SLU7: variants seen among roughly 807,000 people sequenced by gnomAD.
The protein encoded by SLU7 is spliceosome associated SLU7.
Under a neutral mutation model 87.0 loss-of-function variants are expected in SLU7, and 60 were observed. The ratio of observed to expected loss-of-function variants is 0.69; its 90% CI spans 0.56 to 0.86. The LOEUF is 0.86. Ranked by LOEUF, SLU7 falls within the 40% of genes least tolerant of loss-of-function variation. The pLI is 0.00. For missense variants in SLU7, 507 were observed against 686.6 expected, an observed-to-expected ratio of 0.74 and a Z score of 2.92; for synonymous variants, 197 against 222.0, an observed-to-expected ratio of 0.89 and a Z score of 1.00.
intron 5 of SLU7, among the ~76,000 whole-genome samples, 194 bp from the exon 6 acceptor site, chr5:160,412,713 A>G (rs1457983078): frequency 6.6e-6 from 1 of 152,132 alleles, no homozygotes; most frequent in Non-Finnish European, 1.5e-5. Context: ...CTCTATAAAG[A>G]GCAGGAGTTA....
intron 15 of SLU7, among the ~76,000 whole-genome samples, chr5:160,403,676 CTA>C (rs1376346846): frequency 2.0e-5 from 3 of 152,172 alleles, no homozygotes; most frequent in Non-Finnish European, 4.4e-5. Flanking sequence ...ACAAAACATT[CTA>C]TAACATTTTA....
intron 6 of SLU7, 45 bp downstream of exon 6, chr5:160,412,406 T>C: frequency 8.8e-7 from 1 of 1,140,292 alleles, no homozygotes; most frequent in Non-Finnish European, 1.3e-6. Flanking sequence ...CATTTCTTTG[T>C]TTAAAAGAAA....
At chr5:160,417,949 C>G (rs1347305521) in intron 1 of SLU7, among the ~76,000 whole-genome samples, 1 of 152,166 alleles carries the variant, frequency 6.6e-6, no homozygotes, top group Non-Finnish European at 1.5e-5. Context: ...TCTCTACTAA[C>G]TACATAGACC....
chr5:160,405,234 T>C, intron 12 of SLU7, 99 bp from the exon 13 acceptor site: 1 of 827,154 alleles, frequency 1.2e-6, no homozygotes, highest in South Asian at 1.7e-5. Context: ...CCATTAAAGG[T>C]AATTTGGGAG....
Position 160,417,791 on chromosome 5 carries a change from CAA to C in SLU7, c.-17+1230_-17+1231del, listed in dbSNP as rs33929783. Among the ~76,000 whole-genome samples, 14 of 111,174 alleles carry C rather than the reference CAA, an allele frequency of 1.3e-4. No homozygotes were observed. The East Asian group carries it at 2.3e-3, about 18-fold the overall frequency. The allele number at this position is 111,174 out of a possible 152,430, so 72.9% of individuals were successfully genotyped here. Reference sequence around the variant, plus strand: ...TGGGCGACAGAGCTAGACTACGTCTCAAAAAAAAAAAAAAAAAAATGACGCTC... The same window carrying C: ...TGGGCGACAGAGCTAGACTACGTCTCAAAAAAAAAAAAAAAAATGACGCTC... On this transcript the variant is annotated intron_variant, in intron 1 of 15. Transcript: ENST00000297151.
At position 160,413,908 on chromosome 5, in the gene SLU7, GTCTT is replaced by G; in HGVS notation, c.392_395del (p.Lys131ThrfsTer18). ...TCAAAGGTGAACTTACCTCAAAGCAGTCTTTCTTTTTGTGTGTCATGGCCCCACA... is the reference window on the plus strand; with the variant it reads ...TCAAAGGTGAACTTACCTCAAAGCAGTCTTTTTGTGTGTCATGGCCCCACA... On this transcript the variant is annotated frameshift_variant, in exon 4 of 16. Coordinates refer to ENST00000297151, the MANE Select transcript of SLU7 (RefSeq NM_006425.5). LOFTEE classifies it high-confidence loss of function. 3 of 1,591,686 alleles carry G rather than the reference GTCTT, an allele frequency of 1.9e-6. No homozygotes were observed. Among genetic ancestry groups the G allele is most frequent in the Non-Finnish European group, 1.7e-6 (2 of 1,171,708 alleles).
At chr5:160,414,742 T>C (rs886350548) in intron 2 of SLU7, among the ~76,000 whole-genome samples, 1 of 152,270 alleles carries the variant, frequency 6.6e-6, no homozygotes, top group South Asian at 2.1e-4. Context: ...TAGAGATGTG[T>C]GTTAGTAATC....
At chr5:160,410,405 C>T (rs1765181799) in intron 6 of SLU7, among the ~76,000 whole-genome samples, 1 of 152,042 alleles carries the variant, frequency 6.6e-6, no homozygotes, top group Admixed American at 6.6e-5. Flanking sequence ...GTATGTGGTT[C>T]ATCTTAATAT....
intron 6 of SLU7, among the ~76,000 whole-genome samples, chr5:160,411,021 G>A (rs1480490935): frequency 2.0e-5 from 3 of 151,072 alleles, no homozygotes; most frequent in African/African-American, 4.9e-5. Flanking sequence ...GCCCGCCACC[G>A]CGACTGGCTA....
intron 6 of SLU7, among the ~76,000 whole-genome samples, chr5:160,410,559 A>T (rs961433263): frequency 6.6e-6 from 1 of 152,124 alleles, no homozygotes; most frequent in Non-Finnish European, 1.5e-5. Flanking sequence ...CCTAAAACTT[A>T]AAGTATATAA....
chr5:160,412,869 A>G (rs1037893947), intron 5 of SLU7, among the ~76,000 whole-genome samples: 6 of 152,102 alleles, frequency 3.9e-5, no homozygotes, highest in Non-Finnish European at 5.9e-5. Flanking sequence ...GTTACCATAT[A>G]TTACAATATT....
chr5:160,413,692 C>A, intron 4 of SLU7, 72 bp from the exon 5 acceptor site: 2 of 1,365,972 alleles, frequency 1.5e-6, no homozygotes, highest in East Asian at 2.3e-5. Context: ...ACAACTTTTA[C>A]AGAGTGGGCA....
Position 160,403,470 on chromosome 5 carries a change from G to A in SLU7, c.1582-6C>T. 6.3e-7 allele frequency: 1 copy of A among 1,589,288 alleles called. No homozygotes were observed. Among genetic ancestry groups the A allele is most frequent in the Non-Finnish European group, 8.5e-7 (1 of 1,169,636 alleles). On this transcript the variant is annotated splice_region_variant and splice_polypyrimidine_tract_variant and intron_variant, in intron 15 of 15. Coordinates refer to ENST00000297151, the MANE Select transcript of SLU7 (RefSeq NM_006425.5). ...GCCTCCTCTGCGTTCAGTGCCTATA[G>A]TGAGAGGAATAAAATGTGTATCACA...
chr5:160,405,098 C>A lies in SLU7; in HGVS notation c.1325G>T (p.Gly442Val). ...WGSYWKEGRW[G>V]YKCCHSFFKY... ...GAAAAAAGAGTGACAGCATTTGTAT[C>A]CCCATCGGCCTTCTTTCCAGTACGA... The change falls in exon 13 of 16, where the codon GGA becomes GTA. Residue 442 changes from glycine (G) to valine (V), a missense_variant. Transcript: ENST00000297151. The A allele has an allele frequency of 6.2e-7, 1 of 1,613,546 alleles. No homozygotes were observed. The highest frequency in any genetic ancestry group is 8.5e-7 in the Non-Finnish European group (1 of 1,179,564).
chr5:160,404,984 G>A (rs1349819829), intron 13 of SLU7, 47 bp downstream of exon 13: 4 of 1,543,288 alleles, frequency 2.6e-6, no homozygotes, highest in Non-Finnish European at 3.6e-6. Flanking sequence ...TTTGACTTAG[G>A]AGCTTCGGTT....
chr5:160,405,191 T>C, intron 12 of SLU7, 56 bp from the exon 13 acceptor site: 2 of 1,197,776 alleles, frequency 1.7e-6, no homozygotes, highest in East Asian at 2.3e-5. Context: ...GAAACTTCTG[T>C]ATACTGTTGA....
intron 15 of SLU7, 103 bp from the exon 16 acceptor site, chr5:160,403,567 A>G (rs1764877045): frequency 1.0e-6 from 1 of 969,254 alleles, no homozygotes; most frequent in South Asian, 2.2e-5. Flanking sequence ...GAACTGCTCT[A>G]TCAAAAACGC....
chr5:160,408,446 A>G lies in SLU7; in HGVS notation c.702T>C (p.Asn234=), dbSNP rs144199916. Residue 234 remains asparagine, a synonymous_variant, in exon 8 of 16, where the codon AAT becomes AAC. Transcript: ENST00000297151. The stretch of plus-strand genomic sequence containing the variant: ...ATTTATCTTCATCCTCATCTTCACT[A>G]TTATGATCTTTTTCCTAAAAGAGGG... ...EPNSQMEKDH[N]SEDEDEDKYA... The G allele has an allele frequency of 5.6e-6, 9 of 1,599,046 alleles. No homozygotes were observed. The African/African-American group carries it at 1.1e-4, about 19-fold the overall frequency.
chr5:160,413,314 A>G (rs1765316176), intron 5 of SLU7, 142 bp downstream of exon 5: 4 of 625,160 alleles, frequency 6.4e-6, no homozygotes, highest in Non-Finnish European at 1.1e-5. Flanking sequence ...TACAATTATA[A>G]AGGTAGCCTA....
Sources: allele counts gnomAD v4.1 joint callset (sites outside exome capture counted in the v4.1 genomes callset), GRCh38; gene constraint gnomAD v4.1.1; transcripts MANE v1.5; gene names NCBI Gene and HGNC (gene_info 2026-07-23, HGNC 2026-07-21).